Variants in CDH12 observed in about 807,000 individuals in gnomAD.
CDH12 encodes cadherin-12.
CDH12 carries 41 observed loss-of-function variants against 74.1 expected under a neutral mutation model. That is an observed-to-expected ratio of 0.55 (90% CI 0.43 to 0.72). The LOEUF (loss-of-function observed/expected upper bound fraction) is 0.72, where lower values mean the gene tolerates loss of function less well. Ranked by LOEUF, CDH12 falls within the 30% of genes least tolerant of loss-of-function variation. The pLI, the probability that CDH12 is intolerant of heterozygous loss-of-function variation, is 0.00. For synonymous variants in CDH12, 399 were observed against 355.0 expected, an observed-to-expected ratio of 1.12 and a Z score of -1.39; for missense variants, 945 against 977.2, an observed-to-expected ratio of 0.97 and a Z score of 0.44.
intron 8 of CDH12, among the ~76,000 whole-genome samples, chr5:21,838,578 CA>C (rs981481890): frequency 4.0e-5 from 6 of 151,652 alleles, no homozygotes; most frequent in Admixed American, 6.6e-5. Flanking sequence ...AAAAACAAAA[CA>C]AAAAAAAGTT....
At position 22,458,912 on chromosome 5, in the gene CDH12, C is replaced by CT. The variant is rs940675463; in HGVS notation, c.-428+46357dup. Among the ~76,000 whole-genome samples, 53 of 150,718 alleles carry CT rather than the reference C, an allele frequency of 3.5e-4. 1 individual carries two copies. Among genetic ancestry groups the CT allele is most frequent in the African/African-American group, 9.0e-4 (37 of 41,146 alleles). On this transcript the variant is annotated intron_variant, in intron 2 of 14. Transcript: ENST00000382254. The stretch of plus-strand genomic sequence containing the variant: ...TTTGGGGTTTTGTTTTGGGTTTTTT[C>CT]TTTTTTTTTGGCCTATTAAAACCTC...
At chr5:22,695,816 T>A (rs1365301697) in intron 1 of CDH12, among the ~76,000 whole-genome samples, 1 of 152,162 alleles carries the variant, frequency 6.6e-6, no homozygotes, top group Non-Finnish European at 1.5e-5. Flanking sequence ...TTTAGAAAGA[T>A]TTTATATTTT....
In CDH12 at chr5:22,401,359, T is replaced by G. The variant is rs566956441; in HGVS notation, c.-333+3898A>C. The stretch of plus-strand genomic sequence containing the variant: ...TTTTATTTCTATAGGGATCTCTACC[T>G]ACCAAAAAGCAATCATCTATTACTA... On this transcript the variant is annotated intron_variant, in intron 3 of 14. Coordinates refer to ENST00000382254, the MANE Select transcript of CDH12 (RefSeq NM_004061.5). Among the ~76,000 whole-genome samples, 4 of 152,318 alleles carry G rather than the reference T, an allele frequency of 2.6e-5. No individual in the cohort carries two copies. The South Asian group carries it at 8.3e-4, about 32-fold the overall frequency.
chr5:22,719,168 G>A (rs1743746237), intron 1 of CDH12, among the ~76,000 whole-genome samples: 2 of 152,036 alleles, frequency 1.3e-5, no homozygotes, highest in Non-Finnish European at 1.5e-5. Flanking sequence ...TTGCAGTTTG[G>A]CTTAAGTCGT....
At chr5:22,292,093 T>C (rs899717659) in intron 3 of CDH12, among the ~76,000 whole-genome samples, 1 of 152,042 alleles carries the variant, frequency 6.6e-6, no homozygotes, top group Non-Finnish European at 1.5e-5. Flanking sequence ...AAGCCAATAA[T>C]ACACTATGGG....
At chr5:21,923,519 A>G (rs1754452716) in intron 6 of CDH12, among the ~76,000 whole-genome samples, 1 of 152,120 alleles carries the variant, frequency 6.6e-6, no homozygotes, top group African/African-American at 2.4e-5. Flanking sequence ...AGCAAAACTA[A>G]ATAGTATAAT....
rs536457876 is a variant in CDH12, at chr5:22,183,919, CA to C, written c.-187+28578del. ...ACAGTTAGAAAGGGTCCTTTCTACA[CA>C]AAAATAACTAGAGTAGAGTCATTAA... On this transcript the variant is annotated intron_variant, in intron 4 of 14. Coordinates refer to ENST00000382254, the MANE Select transcript of CDH12 (RefSeq NM_004061.5). Among the ~76,000 whole-genome samples, 202 of 151,618 alleles carry C rather than the reference CA, an allele frequency of 1.3e-3. 2 individuals carry two copies. The highest frequency in any genetic ancestry group is 4.7e-3 in the African/African-American group (195 of 41,292).
chr5:22,437,731 A>G (rs1744463540), intron 2 of CDH12, among the ~76,000 whole-genome samples: 1 of 151,916 alleles, frequency 6.6e-6, no homozygotes, highest in East Asian at 1.9e-4. Flanking sequence ...CAATCAATCA[A>G]TAAAAGGCTT....
At position 22,825,675 on chromosome 5, in the gene CDH12, T is replaced by G. The variant is rs74828874; in HGVS notation, c.-523+27383A>C. 2.7e-3 allele frequency among the ~76,000 whole-genome samples: 411 copies of G among 152,270 alleles called. 3 individuals are homozygous for G. Among genetic ancestry groups the G allele is most frequent in the African/African-American group, 9.1e-3 (378 of 41,554 alleles). ...CAAGGGTAGATCATGTGGAGTGTTC[T>G]AAAACATTGTAAGTCCTCTGTACAC... On this transcript the variant is annotated intron_variant, in intron 1 of 14. Transcript: ENST00000382254.
intron 4 of CDH12, among the ~76,000 whole-genome samples, chr5:22,116,845 C>A (rs1443064512): frequency 7.1e-6 from 1 of 141,050 alleles, no homozygotes; most frequent in Non-Finnish European, 1.5e-5. Context: ...TTCAGCTAGG[C>A]TGGAGCATCT....
At chr5:22,586,989 C>T (rs1476340957) in intron 1 of CDH12, among the ~76,000 whole-genome samples, 1 of 151,658 alleles carries the variant, frequency 6.6e-6, no homozygotes, top group Admixed American at 6.6e-5. Context: ...TGAGATTATA[C>T]CACGCCTGGC....
At chr5:22,204,317 C>G (rs370359699) in intron 4 of CDH12, among the ~76,000 whole-genome samples, 1 of 152,080 alleles carries the variant, frequency 6.6e-6, no homozygotes, top group African/African-American at 2.4e-5. Flanking sequence ...CCCGTCACCA[C>G]GCCCGGTTAG....
At chr5:22,174,333 T>C (rs1186861835) in intron 4 of CDH12, among the ~76,000 whole-genome samples, 3 of 151,986 alleles carry the variant, frequency 2.0e-5, no homozygotes, top group African/African-American at 7.2e-5. Context: ...TCAAATTTCA[T>C]CTAATTTAAT....
At chr5:22,422,995 AT>A (rs1258213698) in intron 2 of CDH12, among the ~76,000 whole-genome samples, 1 of 152,144 alleles carries the variant, frequency 6.6e-6, no homozygotes, top group Admixed American at 6.6e-5. Flanking sequence ...GAATACTGTT[AT>A]TGACTATAGT....
At chr5:22,124,027 G>T (rs938189882) in intron 4 of CDH12, among the ~76,000 whole-genome samples, 90 of 151,576 alleles carry the variant, frequency 5.9e-4, no homozygotes, top group Non-Finnish European at 4.1e-4. Flanking sequence ...GAGTGCAGCG[G>T]TGCGATCTCA....
At chr5:22,411,294 T>A (rs1004085861) in intron 2 of CDH12, among the ~76,000 whole-genome samples, 18 of 151,992 alleles carry the variant, frequency 1.2e-4, no homozygotes, top group Non-Finnish European at 2.5e-4. Context: ...CTGTATAGTA[T>A]TGCTAATTAT....
intron 1 of CDH12, among the ~76,000 whole-genome samples, chr5:22,534,433 G>A (rs191661647): frequency 6.6e-6 from 1 of 152,074 alleles, no homozygotes; most frequent in African/African-American, 2.4e-5. Context: ...TCCCACTTAT[G>A]AGTGAGAACA....
chr5:22,476,379 T>C (rs1746171368), intron 2 of CDH12, among the ~76,000 whole-genome samples: 1 of 152,130 alleles, frequency 6.6e-6, no homozygotes, highest in Non-Finnish European at 1.5e-5. Flanking sequence ...TATTAAATAG[T>C]ACAATTAAAT....
intron 1 of CDH12, among the ~76,000 whole-genome samples, chr5:22,713,747 A>G (rs1743422109): frequency 6.6e-6 from 1 of 152,122 alleles, no homozygotes; most frequent in African/African-American, 2.4e-5. Flanking sequence ...TATTAAACAC[A>G]TTATTTTATT....
Sources: allele counts gnomAD v4.1 joint callset (sites outside exome capture counted in the v4.1 genomes callset), GRCh38; gene constraint gnomAD v4.1.1; transcripts MANE v1.5; gene names NCBI Gene and HGNC (gene_info 2026-07-23, HGNC 2026-07-21).